The following TTC28 variants were observed in gnomAD, a reference collection of about 807,000 sequenced individuals.
The protein encoded by TTC28 is tetratricopeptide repeat domain 28.
TTC28 carries 61 observed loss-of-function variants against 198.0 expected under a neutral mutation model. The ratio of observed to expected loss-of-function variants is 0.31; its 90% CI spans 0.25 to 0.38. The LOEUF is 0.38. Ranked by LOEUF, TTC28 falls within the 10% of genes least tolerant of loss-of-function variation. The pLI is 1.00. For synonymous variants in TTC28, 1,171 were observed against 1,297.8 expected (o/e 0.90, Z 2.10); for missense variants, 2,678 against 3,164.0 (o/e 0.85, Z 3.69).
chr22:28,541,228 CA>C (rs780070088), intron 2 of TTC28, among the ~76,000 whole-genome samples: 54 of 152,152 alleles, frequency 3.5e-4, no homozygotes, highest in African/African-American at 1.3e-3. Flanking sequence ...ATAGGCAGCA[CA>C]AACGTGTGAT....
chr22:28,133,968 G>A (rs760180117), intron 6 of TTC28, among the ~76,000 whole-genome samples: 28 of 152,208 alleles, frequency 1.8e-4, no homozygotes, highest in African/African-American at 3.9e-4. Context: ...CCTAGTAGGC[G>A]CAGACTAACA....
chr22:28,576,319 AAC>A lies in TTC28; in HGVS notation c.381+53231_381+53232del, dbSNP rs2050149623. 1.3e-5 allele frequency among the ~76,000 whole-genome samples: 2 copies of A among 152,130 alleles called. 1 individual carries two copies. The highest frequency in any genetic ancestry group is 4.1e-4 in the South Asian group (2 of 4,836). ...TTTGCATATGTTAAACCATTCTTGC[AAC>A]ACTGGGATAAATTTCACTTCATCAT... On this transcript the variant is annotated intron_variant, in intron 2 of 22. Coordinates refer to ENST00000397906, the MANE Select transcript of TTC28 (RefSeq NM_001145418.2).
intron 5 of TTC28, among the ~76,000 whole-genome samples, chr22:28,205,232 G>A (rs553895425): frequency 1.3e-5 from 2 of 152,014 alleles, no homozygotes; most frequent in East Asian, 1.9e-4. Context: ...AGAGACCGGG[G>A]GGAGAGAGGG....
chr22:28,098,978 G>A lies in TTC28; in HGVS notation c.3484C>T (p.Leu1162Phe). Reference protein sequence around the residue: ...HEAQLSTDYKLSLFDLQTSSY... With the variant: ...HEAQLSTDYKFSLFDLQTSSY... ...GATGTCTGCAGGTCAAAGAGGGAGAGTTTGTAGTCCGTGCTCAGCTGTGCC... is the reference window on the plus strand; with the variant it reads ...GATGTCTGCAGGTCAAAGAGGGAGAATTTGTAGTCCGTGCTCAGCTGTGCC... The change falls in exon 10 of 23, where the codon CTC becomes TTC. Residue 1162 changes from leucine to phenylalanine, a missense_variant. Physicochemically the swap from Leu to Phe is conservative, Grantham distance 22. This residue lies in a region of TTC28 where 727 missense variants were observed against 861.9 expected (regional missense o/e 0.84). Transcript: ENST00000397906. 6.4e-7 allele frequency: 1 copy of A among 1,551,882 alleles called. No homozygotes were observed. The highest frequency in any genetic ancestry group is 1.7e-4 in the Middle Eastern group (1 of 5,992).
At chr22:28,052,076 A>G (rs917279114) in intron 12 of TTC28, among the ~76,000 whole-genome samples, 1 of 152,228 alleles carries the variant, frequency 6.6e-6, no homozygotes, top group African/African-American at 2.4e-5. Context: ...CCAAATAGAA[A>G]GGTGCAGAAT....
At chr22:28,159,145 A>C (rs981435474) in intron 6 of TTC28, among the ~76,000 whole-genome samples, 1 of 152,226 alleles carries the variant, frequency 6.6e-6, no homozygotes, top group Admixed American at 6.5e-5. Context: ...CATAAATGGC[A>C]AACAGGCATA....
At chr22:27,988,091 C>A (rs1937272712) in intron 21 of TTC28, among the ~76,000 whole-genome samples, 1 of 151,994 alleles carries the variant, frequency 6.6e-6, no homozygotes, top group Non-Finnish European at 1.5e-5. Flanking sequence ...AGTAATGCAA[C>A]CTGTAAAGGA....
intron 2 of TTC28, among the ~76,000 whole-genome samples, chr22:28,448,477 G>C (rs2047733155): frequency 6.6e-6 from 1 of 151,936 alleles, no homozygotes. Context: ...TTCAAATTTT[G>C]AACCAATTCA....
At chr22:28,351,274 C>G (rs943845406) in intron 2 of TTC28, among the ~76,000 whole-genome samples, 1 of 152,142 alleles carries the variant, frequency 6.6e-6, no homozygotes, top group Admixed American at 6.5e-5. Context: ...ATGCATTCTA[C>G]AAACAAAAGA....
At chr22:28,631,231 T>C (rs1019643268) in intron 1 of TTC28, among the ~76,000 whole-genome samples, 4 of 152,218 alleles carry the variant, frequency 2.6e-5, no homozygotes, top group Admixed American at 2.0e-4. Flanking sequence ...CTTAAACTTA[T>C]GCAAGTTTTA....
At chr22:28,628,325 C>T (rs1478052904) in intron 2 of TTC28, among the ~76,000 whole-genome samples, 4 of 152,106 alleles carry the variant, frequency 2.6e-5, no homozygotes, top group Admixed American at 2.6e-4. Context: ...TCAATCACAT[C>T]TCTTTTTATT....
chr22:28,617,605 G>A (rs2050923173), intron 2 of TTC28, among the ~76,000 whole-genome samples: 5 of 152,184 alleles, frequency 3.3e-5, no homozygotes. Flanking sequence ...TATAAGAACA[G>A]TCACAAATTC....
At chr22:28,675,735 T>TCACTCGCACACACACACACA (rs1555910098) in intron 1 of TTC28, among the ~76,000 whole-genome samples, 2 of 135,118 alleles carry the variant, frequency 1.5e-5, no homozygotes, top group African/African-American at 5.6e-5. Flanking sequence ...TGAAACCCTG[T>TCACTCGCACACACACACACA]CACACACACA....
intron 5 of TTC28, among the ~76,000 whole-genome samples, chr22:28,193,843 C>A (rs1346214887): frequency 1.3e-5 from 2 of 152,108 alleles, no homozygotes; most frequent in Non-Finnish European, 2.9e-5. Context: ...TAATGAGAGA[C>A]TTTAAGACCC....
At chr22:28,578,855 ACCAGC>A (rs2050189310) in intron 2 of TTC28, among the ~76,000 whole-genome samples, 1 of 152,046 alleles carries the variant, frequency 6.6e-6, no homozygotes, top group Non-Finnish European at 1.5e-5. Flanking sequence ...AAACATTTAG[ACCAGC>A]CCTAGTCAGA....
chr22:28,657,017 C>A (rs2051669097), intron 1 of TTC28, among the ~76,000 whole-genome samples: 2 of 152,084 alleles, frequency 1.3e-5, no homozygotes, highest in South Asian at 2.1e-4. Context: ...ATGCTACACA[C>A]ACACAAAAAA....
intron 19 of TTC28, 127 bp from the exon 20 acceptor site, chr22:27,990,939 T>C: frequency 2.1e-6 from 2 of 933,674 alleles, no homozygotes; most frequent in South Asian, 3.4e-5. Context: ...CCCGCGGCTC[T>C]GACTGGGAGG....
At chr22:28,606,656 A>G (rs953137335) in intron 2 of TTC28, among the ~76,000 whole-genome samples, 5 of 152,174 alleles carry the variant, frequency 3.3e-5, no homozygotes, top group African/African-American at 1.2e-4. Context: ...AAAAATTTAT[A>G]TGTGTGTGTA....
At chr22:28,653,954 C>T (rs1783175914) in intron 1 of TTC28, among the ~76,000 whole-genome samples, 2 of 152,206 alleles carry the variant, frequency 1.3e-5, no homozygotes, top group South Asian at 4.1e-4. Flanking sequence ...TCTCAAATGT[C>T]TTGTATGCCT....
Sources: gnomAD v4.1 joint callset for allele counts (sites outside exome capture counted in the v4.1 genomes callset) on GRCh38, gnomAD v4.1.1 for gene constraint, gnomAD v4.1.1 regional missense constraint, MANE v1.5 for transcripts, NCBI Gene and HGNC (gene_info 2026-07-23, HGNC 2026-07-21) for gene names.